ITGA7: variants seen among roughly 807,000 people sequenced by gnomAD.
ITGA7 encodes the protein integrin alpha-7.
ITGA7 carries 84 observed loss-of-function variants against 131.6 expected under a neutral mutation model. That is an observed-to-expected ratio of 0.64 (90% CI 0.54 to 0.77). ITGA7 has a LOEUF of 0.77. Ranked by LOEUF, ITGA7 falls within the 30% of genes least tolerant of loss-of-function variation. ITGA7 has a pLI of 0.00. For synonymous variants in ITGA7, 548 were observed against 600.7 expected (o/e 0.91, Z 1.28); for missense variants, 1,399 against 1,482.9 (o/e 0.94, Z 0.93).
At chr12:55,696,033 GA>G (rs1173027047) in intron 13 of ITGA7, among the ~76,000 whole-genome samples, 5 of 152,186 alleles carry the variant, frequency 3.3e-5, no homozygotes, top group Non-Finnish European at 7.4e-5. Flanking sequence ...GTGACTTCAA[GA>G]GCTTGAAGGC....
Position 55,707,718 on chromosome 12 carries a change from G to A in ITGA7, c.-36C>T, listed in dbSNP as rs1285660484. On this transcript the variant is annotated 5_prime_UTR_variant, in exon 1 of 25. Transcript: ENST00000257879. ...CTGCGCGAGCTCCCAGCGAATGCAA[G>A]GGAAATCTCGCACGCCCCAAGCCCC... 1.9e-6 allele frequency: 3 copies of A among 1,552,542 alleles called. No individual in the cohort carries two copies. In the Admixed American group the frequency reaches 5.9e-5, roughly 30 times the overall value.
At position 55,694,689 on chromosome 12, in the gene ITGA7, G is replaced by C. The variant is rs1872242295; in HGVS notation, c.2203C>G (p.Pro735Ala). Residue 735 changes from proline (P) to alanine (A), a missense_variant, in exon 16 of 25, where the codon CCA (proline) becomes GCA (alanine). By Grantham distance (27) the Pro-to-Ala change is conservative. Transcript: ENST00000257879. This position sits in a 1 kb window ranked among gnomAD's most constrained non-coding sequence, Gnocchi z 5.3. ...GVRALDPAEKPLCLSNENASH... is the reference protein window; with the variant it reads ...GVRALDPAEKALCLSNENASH... Reference sequence around the variant, plus strand: ...GCATTCTCATTGGACAGGCAGAGTGGCTTCTCCTGGAATGGGAGAGAAGGC... The same window carrying C: ...GCATTCTCATTGGACAGGCAGAGTGCCTTCTCCTGGAATGGGAGAGAAGGC... The C allele has an allele frequency of 6.2e-7, 1 of 1,614,114 alleles. No homozygotes were observed. Among genetic ancestry groups the C allele is most frequent in the Non-Finnish European group, 8.5e-7 (1 of 1,179,980 alleles).
Position 55,685,232 on chromosome 12 carries a change from C to T in ITGA7, c.3240G>A (p.Ala1080=), listed in dbSNP as rs1026883316. 12 of 1,614,094 alleles carry T rather than the reference C, an allele frequency of 7.4e-6. No homozygotes were observed. Among genetic ancestry groups the T allele is most frequent in the African/African-American group, 2.7e-5 (2 of 74,950 alleles). The change falls in exon 25 of 25, where the codon GCG becomes GCA. Residue 1080 remains alanine (A), a synonymous_variant. Transcript: ENST00000257879. ...GTCGGTCTTCCCGAGGAATCTTCAC[C>T]GCATGGTACTGGGGCACGGTGGCCT... ...HPEATVPQYH[A]VKIPREDRQQ...
upstream of ITGA7, chr12:55,707,958 C>T: frequency 7.6e-7 from 1 of 1,324,200 alleles, no homozygotes. Context: ...CCTCCGGCCC[C>T]GCCCCTCGCT....
At chr12:55,699,049 C>A in intron 5 of ITGA7, 132 bp from the exon 6 acceptor site, 1 of 808,526 alleles carries the variant, frequency 1.2e-6, no homozygotes, top group Non-Finnish European at 2.0e-6. Flanking sequence ...CACCCTGCCC[C>A]CTCCCCTAGG....
At position 55,685,246 on chromosome 12, in the gene ITGA7, G is replaced by A; in HGVS notation, c.3226C>T (p.Pro1076Ser). ...GGAATCTTCACCGCATGGTACTGGG[G>A]CACGGTGGCCTCGGGGTGCTTCGCC... is the stretch of plus-strand genomic sequence containing the variant. ...KRAKHPEATV[P>S]QYHAVKIPRE... The change falls in exon 25 of 25, where the codon CCC (proline) becomes TCC (serine). Residue 1076 changes from proline (P) to serine (S), a missense_variant. Transcript: ENST00000257879. 4.3e-6 allele frequency: 7 copies of A among 1,614,232 alleles called. No homozygotes were observed. The highest frequency in any genetic ancestry group is 1.7e-5 in the Admixed American group (1 of 60,026).
chr12:55,688,093 G>A lies in ITGA7; in HGVS notation c.3061C>T (p.Pro1021Ser). The A allele has an allele frequency of 6.2e-7, 1 of 1,614,132 alleles. No individual in the cohort carries two copies. The highest frequency in any genetic ancestry group is 8.5e-7 in the Non-Finnish European group (1 of 1,180,024). ...ATGGGGTCCAAGTATACCATCACTG[G>A]GATCTGGGGAGCAAGGGGTCAATGG... ...LMLRDASTVI[P>S]VMVYLDPMAV... Residue 1021 changes from proline to serine, a missense_variant, in exon 24 of 25, where the codon CCA becomes TCA. Pro to Ser is a moderately conservative substitution (Grantham distance 74, BLOSUM62 -1). Coordinates refer to ENST00000257879, the MANE Select transcript of ITGA7 (RefSeq NM_002206.3).
At position 55,687,280 on chromosome 12, in the gene ITGA7, C is replaced by T. The variant is rs367761372; in HGVS notation, c.3183+691G>A. Among the ~76,000 whole-genome samples the T allele has an allele frequency of 7.7e-4, 114 of 147,576 alleles. 2 individuals are homozygous for T. Among genetic ancestry groups the T allele is most frequent in the African/African-American group, 2.7e-3 (108 of 39,552 alleles). On this transcript the variant is annotated intron_variant, in intron 24 of 24. Transcript: ENST00000257879. ...GCAACCTCCACCTCCCGGGTTCAAG[C>T]GATTCTCCTGTCTCAGCCTCCCAAG...
At chr12:55,711,198 A>T (rs1876078569), upstream of ITGA7, among the ~76,000 whole-genome samples, 1 of 152,210 alleles carries the variant, frequency 6.6e-6, no homozygotes, top group Non-Finnish European at 1.5e-5. Context: ...TAATTATTTC[A>T]AAATAATTTC....
chr12:55,715,758 G>A (rs1876466665), upstream of ITGA7, among the ~76,000 whole-genome samples: 1 of 152,172 alleles, frequency 6.6e-6, no homozygotes, highest in Non-Finnish European at 1.5e-5. Context: ...TGAGGAGAGG[G>A]AAGGAGAATA....
chr12:55,704,742 A>G (rs1464844134), intron 1 of ITGA7, among the ~76,000 whole-genome samples: 1 of 152,218 alleles, frequency 6.6e-6, no homozygotes, highest in Non-Finnish European at 1.5e-5. Context: ...ACATGGGCCT[A>G]ACTCCAACAC....
chr12:55,692,716 C>A (rs1565617173), intron 21 of ITGA7, 128 bp downstream of exon 21: 1 of 1,254,774 alleles, frequency 8.0e-7, no homozygotes, highest in Non-Finnish European at 1.1e-6. Context: ...CCGGGCACCC[C>A]CTCCTATGAA....
At chr12:55,698,195 G>T in intron 7 of ITGA7, 169 bp from the exon 8 acceptor site, 1 of 830,906 alleles carries the variant, frequency 1.2e-6, no homozygotes, top group Non-Finnish European at 1.9e-6. Flanking sequence ...ACTCCCTGCA[G>T]ATATTACTAA....
chr12:55,702,942 T>C lies in ITGA7; in HGVS notation c.344A>G (p.Gln115Arg). The part of the protein sequence containing the change: ...RVDIDQGADM[Q>R]KESKENQWLG... ...CCACTGGTTCTCCTTGCTTTCCTTT[T>C]GCATATCAGCTAGAGGCAGGACACT... The change falls in exon 3 of 25, where the codon CAA becomes CGA. Residue 115 changes from glutamine (Q) to arginine (R), a missense_variant. Physicochemically the swap from Gln to Arg is conservative, Grantham distance 43. Transcript: ENST00000257879. The C allele has an allele frequency of 2.5e-6, 4 of 1,613,240 alleles. No homozygotes were observed. Among genetic ancestry groups the C allele is most frequent in the Non-Finnish European group, 3.4e-6 (4 of 1,180,016 alleles).
At position 55,684,882 on chromosome 12, in the gene ITGA7, A is replaced by AG; in HGVS notation, c.*175dup. 1.6e-6 allele frequency: 1 copy of AG among 606,292 alleles called. No individual in the cohort carries two copies. The allele number at this position is 606,292 out of a possible 1,614,324, so 37.6% of individuals were successfully genotyped here. The stretch of plus-strand genomic sequence containing the variant: ...CCCACTCTCATCTCACAGCACTCTA[A>AG]GGGGAAGTTGGGTGGGAGGAGTTCT... On this transcript the variant is annotated 3_prime_UTR_variant, in exon 25 of 25. Coordinates refer to ENST00000257879, the MANE Select transcript of ITGA7 (RefSeq NM_002206.3).
In ITGA7 at chr12:55,697,898, C is replaced by T. The variant is rs776993136; in HGVS notation, c.1281+40G>A. The T allele has an allele frequency of 9.5e-5, 154 of 1,614,058 alleles. 3 individuals carry two copies. In the South Asian group the frequency reaches 1.4e-3, roughly 15 times the overall value. ...GCCTCCCCTGATGCCTCTGCTGATT[C>T]CACCCACACCCATTCCCTCATCCCA... On this transcript the variant is annotated intron_variant, in intron 8 of 24. Coordinates refer to ENST00000257879, the MANE Select transcript of ITGA7 (RefSeq NM_002206.3).
At chr12:55,711,542 ATCCATGGAATAGATTATCCACTCCAC>A (rs1449619581), upstream of ITGA7, among the ~76,000 whole-genome samples, 1 of 152,076 alleles carries the variant, frequency 6.6e-6, no homozygotes, top group Non-Finnish European at 1.5e-5. Context: ...TAAAATGATA[ATCCATGGAATAGATTATCCACTCCAC>A]TCCATGGAAT....
chr12:55,691,958 C>T (rs1871506233), intron 21 of ITGA7, among the ~76,000 whole-genome samples: 1 of 152,178 alleles, frequency 6.6e-6, no homozygotes, highest in Admixed American at 6.5e-5. Context: ...CCCATCCTAG[C>T]AGGGAGGGGC....
At chr12:55,715,810 G>C, upstream of ITGA7, 1 of 447,612 alleles carries the variant, frequency 2.2e-6, no homozygotes, top group Non-Finnish European at 3.9e-6. Context: ...TCAATTAAAC[G>C]GTGATAGACG....
Sources: allele counts gnomAD v4.1 joint callset (sites outside exome capture counted in the v4.1 genomes callset), GRCh38; gene constraint gnomAD v4.1.1; non-coding constraint Gnocchi (gnomAD v3.1); transcripts MANE v1.5; gene names NCBI Gene and HGNC (gene_info 2026-07-23, HGNC 2026-07-21).